The following PHF12 variants were observed in gnomAD, a reference collection of about 807,000 sequenced individuals.
PHF12 encodes the protein PHD factor 1.
PHF12 carries 6 observed loss-of-function variants against 99.8 expected under a neutral mutation model. That is an observed-to-expected ratio of 0.06 (90% CI 0.03 to 0.12). PHF12 has a LOEUF of 0.12. PHF12 is among the 10% of genes least tolerant of loss of function. The probability of loss-of-function intolerance (pLI) is 1.00; values close to 1 mark genes in which losing one functional copy is unlikely to be tolerated. For missense variants in PHF12, 954 were observed against 1,300.1 expected (o/e 0.73, Z 4.09); for synonymous variants, 480 against 514.9 (o/e 0.93, Z 0.92).
intron 10 of PHF12, chr17:28,910,638 G>A: frequency 1.9e-6 from 1 of 522,408 alleles, no homozygotes; most frequent in East Asian, 3.4e-5. Context: ...GAAAGGCAGA[G>A]TGGAATAAAC....
intron 4 of PHF12, among the ~76,000 whole-genome samples, chr17:28,922,143 G>A (rs903377919): frequency 2.6e-5 from 4 of 152,186 alleles, no homozygotes; most frequent in African/African-American, 9.7e-5. Context: ...TAGTCAACAA[G>A]GACTATTCTG....
chr17:28,907,870 C>G (rs2039897142), intron 12 of PHF12, 198 bp from the exon 13 acceptor site: 2 of 487,940 alleles, frequency 4.1e-6, no homozygotes, highest in Non-Finnish European at 7.5e-6. Context: ...TAAAGAACAG[C>G]TGTCCCTGCC....
chr17:28,926,728 G>A, intron 3 of PHF12: 1 of 1,366,822 alleles, frequency 7.3e-7, no homozygotes, highest in South Asian at 1.3e-5. Flanking sequence ...ACAACAAGAA[G>A]GTAAGACTAC....
rs754315566 is a variant in PHF12 at position 28,912,725 on chromosome 17, T to A, written c.1846A>T (p.Arg616Trp). Residue 616 changes from arginine to tryptophan, a missense_variant, in exon 9 of 15, where the codon AGG (arginine) becomes TGG (tryptophan). Transcript: ENST00000332830. ...AGGCTTGGGACAGGAACCAAACTCC[T>A]CTGGGGGCAAGAGCTGGGGCCAGTG... ...NATGPSSCPQ[R>W]SLVPVPSLPP... 1 of 1,614,208 alleles carries A rather than the reference T, an allele frequency of 6.2e-7. No homozygotes were observed. Among genetic ancestry groups the A allele is most frequent in the Non-Finnish European group, 8.5e-7 (1 of 1,180,036 alleles).
At position 28,906,598 on chromosome 17, in the gene PHF12, G is replaced by A; in HGVS notation, c.2681-81C>T. 1 of 1,433,240 alleles carries A rather than the reference G, an allele frequency of 7.0e-7. No individual in the cohort carries two copies. Among genetic ancestry groups the A allele is most frequent in the East Asian group, 2.3e-5 (1 of 42,562 alleles). 88.8% of individuals were successfully genotyped at this position (1,433,240 alleles called of 1,614,324 possible). On this transcript the variant is annotated intron_variant, in intron 14 of 14. Transcript: ENST00000332830. The surrounding 1 kb of genome is among the most constrained non-coding windows in gnomAD (Gnocchi z 4.2). ...GGCTGTTTGCCAAGGTTGGGCTCCT[G>A]CATCTCCCCATTCCAACTGCTGCAT...
intron 2 of PHF12, among the ~76,000 whole-genome samples, chr17:28,938,704 C>G (rs1157734692): frequency 2.0e-5 from 3 of 152,280 alleles, no homozygotes; most frequent in Middle Eastern, 3.4e-3. Context: ...CTCCCATCCC[C>G]CAATTCCACT....
At chr17:28,926,883 A>G in intron 3 of PHF12, 108 bp downstream of exon 3, 1 of 1,587,592 alleles carries the variant, frequency 6.3e-7, no homozygotes, top group Non-Finnish European at 8.6e-7. Context: ...GCTGGAAGAG[A>G]CAAGAAGAAG....
chr17:28,910,454 T>C (rs1598117273), intron 10 of PHF12, 85 bp from the exon 11 acceptor site: 2 of 1,464,988 alleles, frequency 1.4e-6, no homozygotes, highest in South Asian at 2.7e-5. Flanking sequence ...GCAAATAGTT[T>C]GGCATTTCTA....
intron 2 of PHF12, among the ~76,000 whole-genome samples, chr17:28,935,959 A>G (rs990560406): frequency 6.6e-6 from 1 of 152,232 alleles, no homozygotes; most frequent in African/African-American, 2.4e-5. Flanking sequence ...TCAAAGATTC[A>G]AATCGAAGCC....
Position 28,912,919 on chromosome 17 carries a change from T to C in PHF12, c.1652A>G (p.His551Arg). ...VNTEVKANGP[H>R]LYSSPTDSTD... Reference sequence around the variant, plus strand: ...GGAATCAGTAGGGCTGCTGTAGAGGTGTGGGCCATTAGCTTTCACCTCTGT... The same window carrying C: ...GGAATCAGTAGGGCTGCTGTAGAGGCGTGGGCCATTAGCTTTCACCTCTGT... The change falls in exon 9 of 15, where the codon CAC (histidine) becomes CGC (arginine). Residue 551 changes from histidine (H) to arginine (R), a missense_variant. His to Arg is a conservative substitution (Grantham distance 29). Transcript: ENST00000332830. 8 of 1,614,118 alleles carry C rather than the reference T, an allele frequency of 5.0e-6. No homozygotes were observed. The highest frequency in any genetic ancestry group is 6.8e-6 in the Non-Finnish European group (8 of 1,180,004).
Position 28,906,547 on chromosome 17 carries a change from G to A in PHF12, c.2681-30C>T. On this transcript the variant is annotated intron_variant, in intron 14 of 14. Transcript: ENST00000332830. This position sits in a 1 kb window ranked among gnomAD's most constrained non-coding sequence, Gnocchi z 4.2. ...GAAAAAGGGGGATGGTCACAGAAGA[G>A]GAACAGTGAGCAGCCAACCCATGTG... The A allele has an allele frequency of 6.4e-7, 1 of 1,566,300 alleles. No homozygotes were observed.
intron 7 of PHF12, among the ~76,000 whole-genome samples, chr17:28,914,444 G>A (rs994366896): frequency 3.3e-5 from 5 of 151,866 alleles, no homozygotes; most frequent in Admixed American, 6.6e-5. Flanking sequence ...AGGCCGAGGC[G>A]GGAGGATCAT....
intron 3 of PHF12, chr17:28,926,750 G>T (rs1179344379): frequency 1.4e-6 from 2 of 1,466,612 alleles, no homozygotes. Flanking sequence ...CCTGTCACTA[G>T]TGACTAAACA....
chr17:28,911,266 T>C (rs2039955427), intron 9 of PHF12, 29 bp from the exon 10 acceptor site: 1 of 1,612,984 alleles, frequency 6.2e-7, no homozygotes. Flanking sequence ...GACTGTTACT[T>C]ACGTCGCCTG....
chr17:28,912,442 A>G, intron 9 of PHF12, 40 bp downstream of exon 9: 3 of 1,530,934 alleles, frequency 2.0e-6, no homozygotes, highest in Non-Finnish European at 2.6e-6. Context: ...GAAAGAGCAT[A>G]AAATTATTCC....
In PHF12 at chr17:28,905,524, A is replaced by C. The variant is rs2039857743; in HGVS notation, c.*659T>G. The C allele has an allele frequency of 6.6e-6, 1 of 152,590 alleles. No individual in the cohort carries two copies. Among genetic ancestry groups the C allele is most frequent in the South Asian group, 2.1e-4 (1 of 4,836 alleles). The allele number at this position is 152,590 out of a possible 1,614,324, so 9.5% of individuals were successfully genotyped here. A position where few individuals can be genotyped will look rare whatever the true frequency, so the allele number is the denominator to read the frequency against. ...TTTTTAAAAACATTGAAAAAATGTC[A>C]TCACTAGATGTATTTACACAAAATC... On this transcript the variant is annotated 3_prime_UTR_variant, in exon 15 of 15. Coordinates refer to ENST00000332830, the MANE Select transcript of PHF12 (RefSeq NM_001033561.2).
intron 13 of PHF12, 62 bp from the exon 14 acceptor site, chr17:28,907,056 A>G: frequency 5.2e-6 from 8 of 1,526,588 alleles, no homozygotes; most frequent in Admixed American, 3.8e-5. Context: ...GGCTAAGGGG[A>G]GAGAGGACAT....
At chr17:28,910,115 A>G in intron 11 of PHF12, 111 bp downstream of exon 11, 1 of 1,488,742 alleles carries the variant, frequency 6.7e-7, no homozygotes. Context: ...TGAAAAGCAC[A>G]CAAGGAGGTT....
chr17:28,949,742 A>T lies in PHF12; in HGVS notation c.248+323T>A, dbSNP rs1431751172. On this transcript the variant is annotated intron_variant, in intron 2 of 14. Transcript: ENST00000332830. The surrounding 1 kb of genome is among the most constrained non-coding windows in gnomAD (Gnocchi z 4.6). Reference sequence around the variant, plus strand: ...GGCAGGCAAGCGGCACTGGGCCCGGAGCTCCTCCCCTTCCTCCCCCGCCAC... The same window carrying T: ...GGCAGGCAAGCGGCACTGGGCCCGGTGCTCCTCCCCTTCCTCCCCCGCCAC... 4.4e-6 allele frequency: 1 copy of T among 229,278 alleles called. No homozygotes were observed. The highest frequency in any genetic ancestry group is 8.5e-6 in the Non-Finnish European group (1 of 117,758). 14.2% of individuals were successfully genotyped at this position (229,278 alleles called of 1,614,324 possible). A position where few individuals can be genotyped will look rare whatever the true frequency, so the allele number is the denominator to read the frequency against.
Sources: gnomAD v4.1 joint callset for allele counts (sites outside exome capture counted in the v4.1 genomes callset) on GRCh38, gnomAD v4.1.1 for gene constraint, Gnocchi (gnomAD v3.1) non-coding constraint, MANE v1.5 for transcripts, NCBI Gene and HGNC (gene_info 2026-07-23, HGNC 2026-07-21) for gene names.